The following ARHGEF11 variants were observed in gnomAD, a reference collection of about 807,000 sequenced individuals.
ARHGEF11 encodes the protein Rho guanine nucleotide exchange factor 11.
In ARHGEF11, 55 loss-of-function variants were observed where a neutral mutation model predicts 193.7. That is an observed-to-expected ratio of 0.28 (90% CI 0.23 to 0.36). The LOEUF is 0.36. Ranked by LOEUF, ARHGEF11 falls within the 10% of genes least tolerant of loss-of-function variation. The pLI is 1.00. For synonymous variants in ARHGEF11, 693 were observed against 768.0 expected, an observed-to-expected ratio of 0.90 and a Z score of 1.62; for missense variants, 1,723 against 2,005.6, an observed-to-expected ratio of 0.86 and a Z score of 2.69.
At chr1:157,010,172 AAAAAT>A (rs1276912821) in intron 1 of ARHGEF11, among the ~76,000 whole-genome samples, 1 of 152,220 alleles carries the variant, frequency 6.6e-6, no homozygotes, top group Non-Finnish European at 1.5e-5. Flanking sequence ...CATCTCTATA[AAAAAT>A]AAAATAAATT....
chr1:156,938,988 T>C (rs1339292281), intron 37 of ARHGEF11: 2 of 186,276 alleles, frequency 1.1e-5, no homozygotes, highest in Non-Finnish European at 2.2e-5. Flanking sequence ...AGGCCGTCCA[T>C]GGTGTTTCCC....
chr1:156,968,998 T>G (rs1662132875), intron 10 of ARHGEF11, among the ~76,000 whole-genome samples: 1 of 152,250 alleles, frequency 6.6e-6, no homozygotes, highest in East Asian at 1.9e-4. Flanking sequence ...TCCCTCACTC[T>G]CAAAGGCTTG....
chr1:157,032,356 C>T (rs2103015406), intron 1 of ARHGEF11, among the ~76,000 whole-genome samples: 1 of 152,276 alleles, frequency 6.6e-6, no homozygotes, highest in South Asian at 2.1e-4. Flanking sequence ...AAAAAGAGTT[C>T]GTTAAGAGCA....
At chr1:156,974,479 G>A (rs1662979513) in intron 7 of ARHGEF11, among the ~76,000 whole-genome samples, 2 of 152,168 alleles carry the variant, frequency 1.3e-5, no homozygotes, top group South Asian at 4.1e-4. Context: ...TGGACTTTAA[G>A]AGCATTAAAA....
intron 4 of ARHGEF11, 28 bp downstream of exon 4, chr1:156,980,409 A>G (rs1276467629): frequency 6.3e-7 from 1 of 1,597,520 alleles, no homozygotes; most frequent in East Asian, 2.2e-5. Flanking sequence ...CACTGCTGGG[A>G]GTGGGAGTGT....
At chr1:156,936,576 T>C (rs1655387659) in intron 40 of ARHGEF11, among the ~76,000 whole-genome samples, 1 of 147,410 alleles carries the variant, frequency 6.8e-6, no homozygotes, top group African/African-American at 2.5e-5. Flanking sequence ...TCCTCCTGGT[T>C]TGTTACCTCC....
intron 18 of ARHGEF11, among the ~76,000 whole-genome samples, chr1:156,957,041 C>T (rs1004243938): frequency 2.0e-5 from 3 of 152,134 alleles, no homozygotes; most frequent in Non-Finnish European, 4.4e-5. Flanking sequence ...CCTTCACCAT[C>T]CTCCCACCCC....
intron 1 of ARHGEF11, among the ~76,000 whole-genome samples, chr1:157,001,913 A>G (rs1667247080): frequency 6.6e-6 from 1 of 152,214 alleles, no homozygotes. Context: ...ACAGCACTTA[A>G]TTTGACTCAC....
chr1:156,985,268 G>T (rs1179055818), intron 2 of ARHGEF11, among the ~76,000 whole-genome samples: 1 of 152,088 alleles, frequency 6.6e-6, no homozygotes, highest in South Asian at 2.1e-4. Flanking sequence ...GCAAAATAAA[G>T]ATAATAAAAC....
chr1:156,949,053 A>C, intron 22 of ARHGEF11: 1 of 985,450 alleles, frequency 1.0e-6, no homozygotes, highest in South Asian at 4.7e-5. Flanking sequence ...CCTGTCAGAA[A>C]GTTCTATCTG....
chr1:156,987,702 CCT>C (rs1206756230), intron 1 of ARHGEF11, among the ~76,000 whole-genome samples: 1 of 152,128 alleles, frequency 6.6e-6, no homozygotes, highest in African/African-American at 2.4e-5. Flanking sequence ...CAATGGCACC[CCT>C]CTTACCTGGA....
In ARHGEF11 at chr1:156,951,608, G is replaced by A. The variant is rs749582398; in HGVS notation, c.1890C>T (p.Thr630=). The part of the protein sequence containing the change: ...APEPGTQRLS[T]GSFPEDLLES... ...CCAGCAGGTCCTCAGGAAAGCTTCC[G>A]GTCGAGAGTCGTTGTGTCCCAGGTT... is the stretch of plus-strand genomic sequence containing the variant. Residue 630 remains threonine, a synonymous_variant, in exon 22 of 41, where the codon ACC becomes ACT. Transcript: ENST00000368194. 8.3e-5 allele frequency: 134 copies of A among 1,614,048 alleles called. No homozygotes were observed. Among genetic ancestry groups the A allele is most frequent in the Admixed American group, 3.3e-4 (20 of 60,004 alleles).
intron 39 of ARHGEF11, 38 bp from the exon 40 acceptor site, chr1:156,937,043 T>G (rs374448938): frequency 2.2e-5 from 36 of 1,601,792 alleles, no homozygotes; most frequent in Non-Finnish European, 2.8e-5. Context: ...CTCGAGTCCT[T>G]CTATTCCTAA....
chr1:156,936,493 A>AT (rs1481502478), intron 40 of ARHGEF11, among the ~76,000 whole-genome samples: 27 of 62,394 alleles, frequency 4.3e-4, no homozygotes, highest in African/African-American at 9.7e-4. Flanking sequence ...AAAAAAAAAA[A>AT]AAAAATATAT....
At position 156,958,862 on chromosome 1, in the gene ARHGEF11, G is replaced by A. The variant is rs200642355; in HGVS notation, c.1382C>T (p.Thr461Met). 98 of 1,614,142 alleles carry A rather than the reference G, an allele frequency of 6.1e-5. No individual in the cohort carries two copies. In the East Asian group the frequency reaches 1.5e-3, roughly 25 times the overall value. Residue 461 changes from threonine (T) to methionine (M), a missense_variant and splice_region_variant, in exon 17 of 41, where the codon ACG (threonine) becomes ATG (methionine). Transcript: ENST00000368194. Reference sequence around the variant, plus strand: ...GCTGCCCAGCCCCAGTGTGCGCTTCGTTCTAAGCCAGATAAACACAGGGAA... The same window carrying A: ...GCTGCCCAGCCCCAGTGTGCGCTTCATTCTAAGCCAGATAAACACAGGGAA... ...EIQEQIHDYR[T>M]KRTLGLGSLY...
At chr1:156,953,260 T>C (rs1016535444) in intron 21 of ARHGEF11, among the ~76,000 whole-genome samples, 1 of 152,178 alleles carries the variant, frequency 6.6e-6, no homozygotes, top group African/African-American at 2.4e-5. Context: ...GCTGGGCATA[T>C]AGTGAGACCC....
At chr1:156,962,018 G>C (rs555893352) in intron 13 of ARHGEF11, among the ~76,000 whole-genome samples, 3 of 152,200 alleles carry the variant, frequency 2.0e-5, no homozygotes, top group African/African-American at 7.2e-5. Context: ...TGGGGTCAGA[G>C]TATTTCAGAA....
rs200320955 is a variant in ARHGEF11, at chr1:157,020,125, G to GAA, written c.32+24172_32+24173dup. The stretch of plus-strand genomic sequence containing the variant: ...GGCGACAGTGCGAGACTCTGTCTCA[G>GAA]AAAAAAAAAAAAAAGAAGAAGAGAG... On this transcript the variant is annotated intron_variant, in intron 1 of 40. Transcript: ENST00000368194. Among the ~76,000 whole-genome samples, 137 of 136,800 alleles carry GAA rather than the reference G, an allele frequency of 1.0e-3. 1 individual carries two copies. The highest frequency in any genetic ancestry group is 1.6e-3 in the Non-Finnish European group (103 of 63,998). The allele number at this position is 136,800 out of a possible 152,430, so 89.7% of individuals were successfully genotyped here. A position where few individuals can be genotyped will look rare whatever the true frequency, so the allele number is the denominator to read the frequency against.
At chr1:156,963,152 CTCTGCCCAGTACCAGCAGGCACTCAA>C in intron 13 of ARHGEF11, 25 bp downstream of exon 13, 1 of 1,439,980 alleles carries the variant, frequency 6.9e-7, no homozygotes, top group Non-Finnish European at 9.8e-7. Context: ...TAGAGGTCCT[CTCTGCCCAGTACCAGCAGGCACTCAA>C]TCAAGACAGA....
Sources: gnomAD v4.1 joint callset for allele counts (sites outside exome capture counted in the v4.1 genomes callset) on GRCh38, gnomAD v4.1.1 for gene constraint, MANE v1.5 for transcripts, NCBI Gene and HGNC (gene_info 2026-07-23, HGNC 2026-07-21) for gene names.